IL17RD: variants seen among roughly 807,000 people sequenced by gnomAD.
IL17RD encodes interleukin 17 receptor D, also known as interleukin-17 receptor D.
A neutral mutation model predicts 80.5 loss-of-function variants in IL17RD; 52 were observed. The observed-to-expected ratio is 0.65, with a 90% confidence interval of 0.52 to 0.81. IL17RD has a LOEUF of 0.81. Among genes scored for constraint, IL17RD ranks in the 40% least tolerant of loss-of-function variants. The probability of loss-of-function intolerance (pLI) is 0.00; values close to 1 mark genes in which losing one functional copy is unlikely to be tolerated. For synonymous variants in IL17RD, 416 were observed against 391.8 expected (o/e 1.06, Z -0.73); for missense variants, 1,024 against 955.1 (o/e 1.07, Z -0.95).
chr3:57,125,278 G>A (rs1332897901), intron 1 of IL17RD, among the ~76,000 whole-genome samples: 3 of 152,132 alleles, frequency 2.0e-5, no homozygotes, highest in East Asian at 1.9e-4. Context: ...GTGGTGGTGG[G>A]TGCCTGTAAT....
At chr3:57,139,133 C>A (rs903776954) in intron 1 of IL17RD, among the ~76,000 whole-genome samples, 3 of 151,652 alleles carry the variant, frequency 2.0e-5, no homozygotes, top group Non-Finnish European at 4.4e-5. Context: ...AACTTAAGGA[C>A]AGATAGGCTA....
rs1371264290 is a variant in IL17RD at position 57,104,358 on chromosome 3, C to T, written c.797G>A (p.Gly266Glu). The T allele has an allele frequency of 6.2e-7, 1 of 1,607,980 alleles. No homozygotes were observed. The highest frequency in any genetic ancestry group is 8.5e-7 in the Non-Finnish European group (1 of 1,175,366). Residue 266 changes from glycine (G) to glutamate (E), a missense_variant, in exon 8 of 13, where the codon GGG becomes GAG. Coordinates refer to ENST00000296318, the MANE Select transcript of IL17RD (RefSeq NM_017563.5). ...TSCLLQNVSP[G>E]DYIIELVDDT... ...TATGCATACCTCAATTATATAATCC[C>T]CTGGAGAAACATTTTGAAGGAGGCA...
Position 57,093,151 on chromosome 3 carries a change from A to G in IL17RD, c.*3242T>C, listed in dbSNP as rs960428999. On this transcript the variant is annotated 3_prime_UTR_variant, in exon 13 of 13. Transcript: ENST00000296318. The stretch of plus-strand genomic sequence containing the variant: ...CTGACACAGACAAAGTATATTAATT[A>G]CCATTTATCATCACACTGCTGTTTT... 3 of 152,232 alleles carry G rather than the reference A, an allele frequency of 2.0e-5. No individual in the cohort carries two copies. Among genetic ancestry groups the G allele is most frequent in the South Asian group, 4.2e-4 (2 of 4,816 alleles). 9.4% of individuals were successfully genotyped at this position (152,232 alleles called of 1,614,324 possible). A position where few individuals can be genotyped will look rare whatever the true frequency, so the allele number is the denominator to read the frequency against.
Position 57,098,446 on chromosome 3 carries a change from AATG to A in IL17RD, c.1254_1256del (p.Ile419del). ...ACTTCATACCTTTGGAACAAACCAC[AATG>A]ATGAACTGGGACTCGTGGATCTTCT... On this transcript the variant is annotated inframe_deletion, in exon 12 of 13. Coordinates refer to ENST00000296318, the MANE Select transcript of IL17RD (RefSeq NM_017563.5). 1 of 1,613,964 alleles carries A rather than the reference AATG, an allele frequency of 6.2e-7. No homozygotes were observed. Among genetic ancestry groups the A allele is most frequent in the South Asian group, 1.1e-5 (1 of 91,078 alleles).
chr3:57,166,273 T>A (rs1336274700), upstream of IL17RD, among the ~76,000 whole-genome samples: 1 of 152,174 alleles, frequency 6.6e-6, no homozygotes, highest in Non-Finnish European at 1.5e-5. Context: ...TCCTAAGGGC[T>A]TTTTCTACTT....
chr3:57,141,009 C>T (rs1707817952), intron 1 of IL17RD, among the ~76,000 whole-genome samples: 1 of 152,002 alleles, frequency 6.6e-6, no homozygotes, highest in Non-Finnish European at 1.5e-5. Context: ...TCCTCTGCCT[C>T]AGCCTTCTAA....
intron 1 of IL17RD, among the ~76,000 whole-genome samples, chr3:57,133,244 A>C (rs1238810764): frequency 6.6e-6 from 1 of 152,266 alleles, no homozygotes; most frequent in South Asian, 2.1e-4. Context: ...ATAGCAGGCA[A>C]TCGGAAGGAT....
intron 1 of IL17RD, among the ~76,000 whole-genome samples, chr3:57,129,643 C>T (rs1044063623): frequency 1.3e-5 from 2 of 152,186 alleles, no homozygotes; most frequent in Non-Finnish European, 2.9e-5. Context: ...GCAAGCCCCA[C>T]GCACATTTCC....
chr3:57,135,883 G>A (rs1331105140), intron 1 of IL17RD, among the ~76,000 whole-genome samples: 2 of 138,184 alleles, frequency 1.4e-5, no homozygotes, highest in Non-Finnish European at 3.0e-5. Flanking sequence ...AAAGGCAAGA[G>A]GACACGGTGA....
At chr3:57,119,251 C>G (rs564912301) in intron 2 of IL17RD, among the ~76,000 whole-genome samples, 2 of 152,014 alleles carry the variant, frequency 1.3e-5, no homozygotes, top group Non-Finnish European at 2.9e-5. Flanking sequence ...ACTCGGGAGG[C>G]TGAGGCAGGA....
At chr3:57,140,660 T>G (rs1342516224) in intron 1 of IL17RD, among the ~76,000 whole-genome samples, 1 of 152,208 alleles carries the variant, frequency 6.6e-6, no homozygotes, top group African/African-American at 2.4e-5. Flanking sequence ...GCTAACAACT[T>G]TCTTTCTCAA....
intron 1 of IL17RD, among the ~76,000 whole-genome samples, chr3:57,163,004 G>C (rs549799210): frequency 4.6e-5 from 7 of 152,316 alleles, no homozygotes; most frequent in African/African-American, 1.7e-4. Context: ...GGAGGGAAAA[G>C]CATGTCTTGG....
rs1559465552 is a variant in IL17RD, at chr3:57,098,435, G to A, written c.1268C>T (p.Ser423Phe). The change falls in exon 12 of 13, where the codon TCC (serine) becomes TTC (phenylalanine). Residue 423 changes from serine (S) to phenylalanine (F), a missense_variant. Coordinates refer to ENST00000296318, the MANE Select transcript of IL17RD (RefSeq NM_017563.5). ...HESQFIIVVC[S>F]KGMKYFVDKK... ...GTCCACAAAGTACTTCATACCTTTGGAACAAACCACAATGATGAACTGGGA... is the reference window on the plus strand; with the variant it reads ...GTCCACAAAGTACTTCATACCTTTGAAACAAACCACAATGATGAACTGGGA... 1 of 1,613,904 alleles carries A rather than the reference G, an allele frequency of 6.2e-7. No individual in the cohort carries two copies. Among genetic ancestry groups the A allele is most frequent in the Non-Finnish European group, 8.5e-7 (1 of 1,179,858 alleles).
chr3:57,164,884 T>A, intron 1 of IL17RD: 1 of 1,191,498 alleles, frequency 8.4e-7, no homozygotes, highest in Non-Finnish European at 1.0e-6. Context: ...CCGCCGCCCC[T>A]CACGCCCGCC....
rs1451948930 is a variant in IL17RD at position 57,153,148 on chromosome 3, G to A, written c.126+12013C>T. ...ACAAATGACATCCTGCATTTCCTTAGACTCTCAATAAAGTAAAAGGGAAGG... is the reference window on the plus strand; with the variant it reads ...ACAAATGACATCCTGCATTTCCTTAAACTCTCAATAAAGTAAAAGGGAAGG... On this transcript the variant is annotated intron_variant, in intron 1 of 12. Coordinates refer to ENST00000296318, the MANE Select transcript of IL17RD (RefSeq NM_017563.5). 2.6e-5 allele frequency among the ~76,000 whole-genome samples: 4 copies of A among 152,218 alleles called. No homozygotes were observed. The East Asian group carries it at 5.8e-4, about 22-fold the overall frequency.
intron 10 of IL17RD, among the ~76,000 whole-genome samples, chr3:57,102,029 G>C (rs1389904268): frequency 6.6e-6 from 1 of 152,188 alleles, no homozygotes; most frequent in Non-Finnish European, 1.5e-5. Context: ...GGGAGGCTGA[G>C]GCAGGAGGAA....
At chr3:57,115,066 T>C (rs528037146) in intron 2 of IL17RD, among the ~76,000 whole-genome samples, 1 of 152,250 alleles carries the variant, frequency 6.6e-6, no homozygotes, top group South Asian at 2.1e-4. Context: ...TCCAGGGCAA[T>C]GTTGGGAGGA....
At position 57,098,451 on chromosome 3, in the gene IL17RD, T is replaced by A; in HGVS notation, c.1252A>T (p.Ile418Phe). 6.2e-7 allele frequency: 1 copy of A among 1,613,988 alleles called. No individual in the cohort carries two copies. Among genetic ancestry groups the A allele is most frequent in the Non-Finnish European group, 8.5e-7 (1 of 1,179,866 alleles). Residue 418 changes from isoleucine to phenylalanine, a missense_variant, in exon 12 of 13, where the codon ATC (isoleucine) becomes TTC (phenylalanine). Ile to Phe is a conservative substitution (Grantham distance 21). Transcript: ENST00000296318. ...VIQKIHESQF[I>F]IVVCSKGMKY... The stretch of plus-strand genomic sequence containing the variant: ...ATACCTTTGGAACAAACCACAATGA[T>A]GAACTGGGACTCGTGGATCTTCTGG...
In IL17RD at chr3:57,097,977, C is replaced by G. The variant is rs1361954224; in HGVS notation, c.1726G>C (p.Glu576Gln). The G allele has an allele frequency of 1.2e-6, 2 of 1,614,012 alleles. No individual in the cohort carries two copies. Among genetic ancestry groups the G allele is most frequent in the South Asian group, 2.2e-5 (2 of 91,082 alleles). ...GAATCAAATTTCTCCAAGACTGGCTCCCGGTAGCGCAGTGGAGGAGGATGG... is the reference window on the plus strand; with the variant it reads ...GAATCAAATTTCTCCAAGACTGGCTGCCGGTAGCGCAGTGGAGGAGGATGG... ...PFHPPPLRYR[E>Q]PVLEKFDSGL... is the part of the protein sequence containing the mutation. The change falls in exon 12 of 13, where the codon GAG becomes CAG. Residue 576 changes from glutamate (E) to glutamine (Q), a missense_variant. Physicochemically the swap from Glu to Gln is conservative, Grantham distance 29 (BLOSUM62 2). Transcript: ENST00000296318.
Sources: gnomAD v4.1 joint callset for allele counts (sites outside exome capture counted in the v4.1 genomes callset) on GRCh38, gnomAD v4.1.1 for gene constraint, MANE v1.5 for transcripts, NCBI Gene and HGNC (gene_info 2026-07-23, HGNC 2026-07-21) for gene names.